The following NIM1K variants were observed in gnomAD, a reference collection of about 807,000 sequenced individuals.
NIM1K encodes NIM1 serine/threonine protein kinase.
In NIM1K, 35 loss-of-function variants were observed where a neutral mutation model predicts 37.1. That is an observed-to-expected ratio of 0.94 (90% confidence interval 0.72 to 1.25). The LOEUF (loss-of-function observed/expected upper bound fraction) is 1.25. Ranked by LOEUF, NIM1K falls within the 50% of genes most tolerant of loss-of-function variation. NIM1K has a pLI of 0.00. For synonymous variants in NIM1K, 234 were observed against 206.6 expected, an observed-to-expected ratio of 1.13 and a Z score of -1.14; for missense variants, 564 against 548.0, an observed-to-expected ratio of 1.03 and a Z score of -0.29.
At chr5:43,211,641 AGGG>A (rs1416035136) in intron 1 of NIM1K, among the ~76,000 whole-genome samples, 1 of 152,200 alleles carries the variant, frequency 6.6e-6, no homozygotes, top group Non-Finnish European at 1.5e-5. Context: ...GGGCATATGG[AGGG>A]GGGTAAGTGG....
At chr5:43,224,555 T>C (rs1190390931) in intron 1 of NIM1K, among the ~76,000 whole-genome samples, 2 of 151,990 alleles carry the variant, frequency 1.3e-5, no homozygotes, top group Non-Finnish European at 2.9e-5. Context: ...GAGGGATTGG[T>C]TTTTTTACCT....
chr5:43,192,708 T>C (rs1230687179), intron 1 of NIM1K: 1 of 152,356 alleles, frequency 6.6e-6, no homozygotes, highest in East Asian at 1.9e-4. Context: ...GCCCGTGTCA[T>C]GTGCGGCGCC....
intron 2 of NIM1K, among the ~76,000 whole-genome samples, chr5:43,258,807 A>T (rs997199766): frequency 6.6e-6 from 1 of 152,000 alleles, no homozygotes. Context: ...TTGGGGTACA[A>T]GTGGTTTTTG....
intron 2 of NIM1K, among the ~76,000 whole-genome samples, chr5:43,258,740 G>A (rs1250729945): frequency 6.6e-6 from 1 of 152,098 alleles, no homozygotes; most frequent in Non-Finnish European, 1.5e-5. Flanking sequence ...ACTGAGTCTG[G>A]CTCGTATGCA....
In NIM1K at chr5:43,245,684, G is replaced by A; in HGVS notation, c.-92G>A. ...CTCTTTTGAACCCTGGGCACCTGCT[G>A]TCCTCAGTTGGCATCTCCCACCCTC... On this transcript the variant is annotated 5_prime_UTR_variant, in exon 2 of 4. Coordinates refer to ENST00000326035, the MANE Select transcript of NIM1K (RefSeq NM_153361.4). 1 of 1,258,912 alleles carries A rather than the reference G, an allele frequency of 7.9e-7. No homozygotes were observed. The highest frequency in any genetic ancestry group is 1.5e-5 in the African/African-American group (1 of 66,758). 78.0% of individuals were successfully genotyped at this position (1,258,912 alleles called of 1,614,324 possible).
intron 1 of NIM1K, among the ~76,000 whole-genome samples, chr5:43,209,270 T>C (rs1752169966): frequency 6.6e-6 from 1 of 152,196 alleles, no homozygotes; most frequent in African/African-American, 2.4e-5. Context: ...CTTAAGAATG[T>C]CTACCCGCAT....
At chr5:43,269,822 G>T (rs1753228439) in intron 2 of NIM1K, among the ~76,000 whole-genome samples, 2 of 152,026 alleles carry the variant, frequency 1.3e-5, no homozygotes, top group South Asian at 4.1e-4. Context: ...GTTTCACCAT[G>T]TTAGCCAGGA....
intron 2 of NIM1K, among the ~76,000 whole-genome samples, chr5:43,264,645 A>C (rs1753093227): frequency 6.6e-6 from 1 of 152,084 alleles, no homozygotes; most frequent in Non-Finnish European, 1.5e-5. Flanking sequence ...GTTTTGTGTG[A>C]ATTTGATCCT....
At chr5:43,233,034 G>A in intron 1 of NIM1K, 1 of 1,267,662 alleles carries the variant, frequency 7.9e-7, no homozygotes, top group Non-Finnish European at 1.2e-6. Context: ...TGTTGAAGGA[G>A]TCATCTCCTC....
At chr5:43,213,192 TCTTTCTTTCTTTCTTTCTTTCTTTCTTTC>T (rs1752233173) in intron 1 of NIM1K, among the ~76,000 whole-genome samples, 1 of 89,988 alleles carries the variant, frequency 1.1e-5, no homozygotes, top group African/African-American at 4.3e-5. Flanking sequence ...TTTCTTTCTT[TCTTTCTTTCTTTCTTTCTTTCTTTCTTTC>T]TTTCCTTCTT....
chr5:43,263,924 A>T (rs1753077746), intron 2 of NIM1K, among the ~76,000 whole-genome samples: 1 of 152,042 alleles, frequency 6.6e-6, no homozygotes, highest in Non-Finnish European at 1.5e-5. Flanking sequence ...CATGTAGTTG[A>T]GTGGTTTTGA....
At chr5:43,209,244 C>A (rs1752169697) in intron 1 of NIM1K, among the ~76,000 whole-genome samples, 1 of 152,118 alleles carries the variant, frequency 6.6e-6, no homozygotes. Context: ...CATTGTAATG[C>A]CTCCAACTCA....
chr5:43,276,675 A>T (rs1753346158), intron 2 of NIM1K, among the ~76,000 whole-genome samples: 1 of 152,224 alleles, frequency 6.6e-6, no homozygotes, highest in Admixed American at 6.5e-5. Context: ...AGCAACAAAA[A>T]GTTCTGTATT....
chr5:43,240,096 CAG>C (rs1388006312), intron 1 of NIM1K, among the ~76,000 whole-genome samples: 2 of 151,846 alleles, frequency 1.3e-5, no homozygotes, highest in South Asian at 2.1e-4. Context: ...TTCTTTGAGA[CAG>C]AGTCTCGCTC....
chr5:43,195,435 A>C (rs1213571983), intron 1 of NIM1K, among the ~76,000 whole-genome samples: 1 of 152,132 alleles, frequency 6.6e-6, no homozygotes. Context: ...AAGCAGAAGG[A>C]CTGCTTGAGC....
chr5:43,201,278 G>A (rs1191213630), intron 1 of NIM1K, among the ~76,000 whole-genome samples: 4 of 151,932 alleles, frequency 2.6e-5, no homozygotes, highest in African/African-American at 4.8e-5. Flanking sequence ...GCATGGTGGC[G>A]GGCGCCTGCA....
chr5:43,224,971 G>A, intron 1 of NIM1K, among the ~76,000 whole-genome samples: 1 of 152,134 alleles, frequency 6.6e-6, no homozygotes, highest in Non-Finnish European at 1.5e-5. Flanking sequence ...CGGGATTACA[G>A]GCCTAAGCCA....
chr5:43,273,709 C>T (rs933348819), intron 2 of NIM1K, among the ~76,000 whole-genome samples: 2 of 152,166 alleles, frequency 1.3e-5, no homozygotes, highest in Admixed American at 1.3e-4. Context: ...CAAGCACACA[C>T]CTTATGTCTT....
Position 43,201,192 on chromosome 5 carries a change from A to G in NIM1K, c.-695+8781A>G, listed in dbSNP as rs1433183884. Among the ~76,000 whole-genome samples, 4 of 151,762 alleles carry G rather than the reference A, an allele frequency of 2.6e-5. No individual in the cohort carries two copies. In the East Asian group the frequency reaches 7.8e-4, roughly 29 times the overall value. On this transcript the variant is annotated intron_variant, in intron 1 of 3. Coordinates refer to ENST00000326035, the MANE Select transcript of NIM1K (RefSeq NM_153361.4). Reference sequence around the variant, plus strand: ...TGGGAGGCCAAGGCGGGCGGATCATAAGGTCATGAGATCGAGACCATTCTG... The same window carrying G: ...TGGGAGGCCAAGGCGGGCGGATCATGAGGTCATGAGATCGAGACCATTCTG...
Sources: allele counts gnomAD v4.1 joint callset (sites outside exome capture counted in the v4.1 genomes callset), GRCh38; gene constraint gnomAD v4.1.1; transcripts MANE v1.5; gene names NCBI Gene and HGNC (gene_info 2026-07-23, HGNC 2026-07-21).